The following AIFM1 variants were observed in gnomAD, a reference collection of about 807,000 sequenced individuals.
The protein encoded by AIFM1 is apoptosis inducing factor mitochondria associated 1, also known as apoptosis-inducing factor 1, mitochondrial.
AIFM1 carries 3 observed loss-of-function variants against 51.7 expected under a neutral mutation model. The observed-to-expected ratio is 0.06, with a 90% CI of 0.03 to 0.15. AIFM1 has a LOEUF of 0.15. Ranked by LOEUF, AIFM1 falls within the 10% of genes least tolerant of loss-of-function variation. AIFM1 has a pLI of 1.00. For synonymous variants in AIFM1, 178 were observed against 179.4 expected (o/e 0.99, Z 0.06); for missense variants, 330 against 476.8 (o/e 0.69, Z 2.87).
At chrX:130,156,726 C>A in intron 1 of AIFM1, 123 bp from the exon 2 acceptor site, 1 of 755,688 alleles carries the variant, frequency 1.3e-6, no homozygotes, top group Non-Finnish European at 2.0e-6. Context: ...GTTAAATGAT[C>A]AAGAAAAATA....
chrX:130,149,422 T>G, intron 3 of AIFM1, 47 bp downstream of exon 3: 1 of 1,063,968 alleles, frequency 9.4e-7, no homozygotes, highest in Non-Finnish European at 1.3e-6. Context: ...TTTATAACTT[T>G]CCCTTTGTGA....
Position 130,136,726 on chromosome X carries a change from C to T in AIFM1, c.1081G>A (p.Val361Ile), listed in dbSNP as rs1569417347. The T allele has an allele frequency of 1.7e-6, 2 of 1,209,870 alleles. No individual in the cohort carries two copies. Among genetic ancestry groups the T allele is most frequent in the Non-Finnish European group, 2.2e-6 (2 of 894,239 alleles). ...ACAATAGCATTGGGCATCACCTTAA[C>T]CCCCTCTGTAAAGGCAAACAAGACC... ...WTMEKVRREG[V>I]KVMPNAIVQS... Residue 361 changes from valine to isoleucine, a missense_variant, in exon 11 of 16, where the codon GTT (valine) becomes ATT (isoleucine). Transcript: ENST00000287295.
chrX:130,140,685 T>C lies in AIFM1; in HGVS notation c.697-68A>G, dbSNP rs921541610. 63 of 807,935 alleles carry C rather than the reference T, an allele frequency of 7.8e-5. 1 individual carries two copies. In the South Asian group the frequency reaches 1.1e-3, roughly 15 times the overall value. The allele number at this position is 807,935 out of a possible 1,213,427, so 66.6% of individuals were successfully genotyped here. A position where few individuals can be genotyped will look rare whatever the true frequency, so the allele number is the denominator to read the frequency against. On this transcript the variant is annotated intron_variant, in intron 6 of 15. Transcript: ENST00000287295. ...TAGCATTGAAAAAGTTTTATTGAGA[T>C]ATAATTCACATCAAATTCACCATTT...
intron 1 of AIFM1, among the ~76,000 whole-genome samples, chrX:130,157,513 C>A (rs184769601): frequency 2.6e-3 from 294 of 112,298 alleles, no homozygotes; most frequent in Non-Finnish European, 3.6e-3. Flanking sequence ...CATTTGGTGT[C>A]TGCTGCAACT....
intron 1 of AIFM1, among the ~76,000 whole-genome samples, chrX:130,162,015 GA>G (rs1355482812): frequency 8.9e-6 from 1 of 112,162 alleles, no homozygotes; most frequent in Admixed American, 9.5e-5. Flanking sequence ...GACACACAAG[GA>G]AAAATTATTT....
intron 12 of AIFM1, among the ~76,000 whole-genome samples, chrX:130,135,227 C>G (rs1310611631): frequency 3.7e-5 from 4 of 109,239 alleles, no homozygotes; most frequent in Non-Finnish European, 7.6e-5. Flanking sequence ...GCTGGGATTA[C>G]AGGCCTGTGC....
chrX:130,154,503 C>T (rs1394604924), intron 2 of AIFM1, among the ~76,000 whole-genome samples: 1 of 112,388 alleles, frequency 8.9e-6, no homozygotes, highest in Non-Finnish European at 1.9e-5. Context: ...GAATGAGAGG[C>T]ATTACAGAAA....
rs987440486 is a variant in AIFM1, at chrX:130,136,829, A to G, written c.1076-98T>C. 3.2e-5 allele frequency: 33 copies of G among 1,031,057 alleles called. No homozygotes were observed. The African/African-American group carries it at 5.4e-4, about 17-fold the overall frequency. The allele number at this position is 1,031,057 out of a possible 1,213,427, so 85.0% of individuals were successfully genotyped here. ...AGCGGTCTCCTCCACGGTAAAACCAATTATCAGTACACAGGCAGTTTTGGA... is the reference window on the plus strand; with the variant it reads ...AGCGGTCTCCTCCACGGTAAAACCAGTTATCAGTACACAGGCAGTTTTGGA... On this transcript the variant is annotated intron_variant, in intron 10 of 15. Coordinates refer to ENST00000287295, the MANE Select transcript of AIFM1 (RefSeq NM_004208.4).
At chrX:130,165,460 G>T in intron 1 of AIFM1, 91 bp downstream of exon 1, 1 of 757,782 alleles carries the variant, frequency 1.3e-6, no homozygotes, top group Non-Finnish European at 2.0e-6. Flanking sequence ...TAAGTTTCTC[G>T]CGGGGACGCG....
At chrX:130,136,771 C>T (rs2124652595) in intron 10 of AIFM1, 40 bp from the exon 11 acceptor site, 1 of 1,163,180 alleles carries the variant, frequency 8.6e-7, no homozygotes, top group Non-Finnish European at 1.2e-6. Context: ...GCCTACAAGG[C>T]TATCACTTTC....
intron 3 of AIFM1, 128 bp from the exon 4 acceptor site, chrX:130,148,004 C>T (rs975214545): frequency 8.1e-5 from 69 of 851,391 alleles, no homozygotes; most frequent in Middle Eastern, 5.7e-4. Flanking sequence ...ATATGACCTA[C>T]GCTAATCTTA....
intron 6 of AIFM1, among the ~76,000 whole-genome samples, chrX:130,140,846 G>C (rs2030549720): frequency 8.9e-6 from 1 of 112,614 alleles, no homozygotes; most frequent in African/African-American, 3.2e-5. Context: ...GACAGGCACA[G>C]TGACTCATGC....
chrX:130,161,977 T>C (rs186222489), intron 1 of AIFM1, among the ~76,000 whole-genome samples: 34 of 112,068 alleles, frequency 3.0e-4, no homozygotes, highest in African/African-American at 1.0e-3. Flanking sequence ...GTAATAACTA[T>C]AGTACAGCGT....
At chrX:130,150,525 C>T (rs1408368173) in intron 2 of AIFM1, among the ~76,000 whole-genome samples, 1 of 102,458 alleles carries the variant, frequency 9.8e-6, no homozygotes, top group African/African-American at 3.5e-5. Flanking sequence ...TTAGTAGAGA[C>T]GGGGTTTCAC....
At chrX:130,144,404 A>G (rs1328632744) in intron 6 of AIFM1, among the ~76,000 whole-genome samples, 1 of 112,205 alleles carries the variant, frequency 8.9e-6, no homozygotes, top group Non-Finnish European at 1.9e-5. Context: ...GGCCCCTTGC[A>G]TAACTTCTCA....
At chrX:130,136,520 A>G in intron 11 of AIFM1, 123 bp downstream of exon 11, 6 of 651,736 alleles carry the variant, frequency 9.2e-6, no homozygotes, top group South Asian at 2.3e-5. Context: ...TCGGAAAATT[A>G]TATCAGGTTA....
At position 130,137,062 on chromosome X, in the gene AIFM1, GAA is replaced by G. The variant is rs767660258; in HGVS notation, c.1075+14_1075+15del. 7 of 1,209,353 alleles carry G rather than the reference GAA, an allele frequency of 5.8e-6. No homozygotes were observed. The East Asian group carries it at 1.8e-4, about 31-fold the overall frequency. On this transcript the variant is annotated intron_variant, in intron 10 of 15. Transcript: ENST00000287295. Reference sequence around the variant, plus strand: ...AAAGGAAATAGAGTGGCAGCATATAGAAACAGTCTCTCTACCTCGTCTGACTT... The same window carrying G: ...AAAGGAAATAGAGTGGCAGCATATAGACAGTCTCTCTACCTCGTCTGACTT...
At chrX:130,163,177 G>A (rs1429630964) in intron 1 of AIFM1, among the ~76,000 whole-genome samples, 2 of 109,976 alleles carry the variant, frequency 1.8e-5, no homozygotes, top group African/African-American at 3.3e-5. Flanking sequence ...CGGCGTGGTG[G>A]TGCATGCCTG....
chrX:130,132,177 C>T (rs1038629080), intron 13 of AIFM1, among the ~76,000 whole-genome samples: 6 of 111,828 alleles, frequency 5.4e-5, no homozygotes, highest in African/African-American at 9.7e-5. Context: ...CGACCAACAC[C>T]GCACTCTTAT....
Sources: gnomAD v4.1 joint callset for allele counts (sites outside exome capture counted in the v4.1 genomes callset) on GRCh38, gnomAD v4.1.1 for gene constraint, MANE v1.5 for transcripts, NCBI Gene and HGNC (gene_info 2026-07-23, HGNC 2026-07-21) for gene names.